The following RNF166 variants were observed in gnomAD, a reference collection of about 807,000 sequenced individuals.
RNF166 encodes the protein E3 ubiquitin-protein ligase RNF166.
Under a neutral mutation model 29.4 loss-of-function variants are expected in RNF166, and 19 were observed. That is an observed-to-expected ratio of 0.65 (90% CI 0.45 to 0.95). The LOEUF is 0.95. Ranked by LOEUF, RNF166 falls within the 40% of genes least tolerant of loss-of-function variation. The probability of loss-of-function intolerance (pLI) is 0.00; values close to 1 mark genes in which losing one functional copy is unlikely to be tolerated. For synonymous variants in RNF166, 171 were observed against 134.5 expected (o/e 1.27, Z -1.88); for missense variants, 347 against 322.1 (o/e 1.08, Z -0.59).
In RNF166 at chr16:88,697,299, G is replaced by A. The variant is rs901915511; in HGVS notation, c.*269C>T. 10 of 364,164 alleles carry A rather than the reference G, an allele frequency of 2.7e-5. No individual in the cohort carries two copies. Among genetic ancestry groups the A allele is most frequent in the African/African-American group, 6.4e-5 (3 of 46,626 alleles). The allele number at this position is 364,164 out of a possible 1,614,324, so 22.6% of individuals were successfully genotyped here. On this transcript the variant is annotated 3_prime_UTR_variant, in exon 6 of 6. Transcript: ENST00000312838. The stretch of plus-strand genomic sequence containing the variant: ...GACGGCGGCAGCTCCAGGTCCCAGC[G>A]TCCAGCCCTGCCCAAGTAGGCCGCC...
At chr16:88,702,609 C>A (rs981707903) in intron 1 of RNF166, among the ~76,000 whole-genome samples, 2 of 152,216 alleles carry the variant, frequency 1.3e-5, no homozygotes, top group African/African-American at 2.4e-5. Context: ...CTCCTGCTGT[C>A]CCCCAGGCCC....
chr16:88,700,074 G>GC (rs1012319727), intron 2 of RNF166: 7 of 182,132 alleles, frequency 3.8e-5, no homozygotes, highest in Admixed American at 1.8e-4. Context: ...ACTCAGAAAT[G>GC]CCCCAGGCTG....
intron 5 of RNF166, chr16:88,697,845 G>T: frequency 1.9e-6 from 1 of 536,814 alleles, no homozygotes. Flanking sequence ...CGCTGGGTAC[G>T]GGGGCACTCG....
intron 1 of RNF166, 93 bp from the exon 2 acceptor site, chr16:88,701,511 T>C: frequency 4.0e-6 from 5 of 1,261,570 alleles, no homozygotes; most frequent in East Asian, 2.6e-5. Context: ...CCAGCATTTG[T>C]GGGGTCCACA....
Position 88,696,752 on chromosome 16 carries a change from G to A in RNF166, c.*816C>T, listed in dbSNP as rs1909674967. 5.1e-6 allele frequency: 2 copies of A among 391,504 alleles called. No individual in the cohort carries two copies. The highest frequency in any genetic ancestry group is 3.8e-5 in the Admixed American group (1 of 26,052). The allele number at this position is 391,504 out of a possible 1,614,324, so 24.3% of individuals were successfully genotyped here. On this transcript the variant is annotated 3_prime_UTR_variant, in exon 6 of 6. Transcript: ENST00000312838. ...CTTCTCTGCCGGCCCCGCCTCTGCT[G>A]GGAGCAGCCACAGCCTGTGGCTGGG...
At chr16:88,703,390 A>C (rs1236033089) in intron 1 of RNF166, 16 of 985,364 alleles carry the variant, frequency 1.6e-5, no homozygotes, top group Non-Finnish European at 1.9e-5. Flanking sequence ...GGTCCCAGGC[A>C]GAGCTTGGGA....
rs753732709 is a variant in RNF166, at chr16:88,698,989, G to T, written c.522C>A (p.Arg174=). The part of the protein sequence containing the change: ...ELVKHCVESH[R]SDPNRVVCPI... ...TGCTCACCACGCGGTTGGGGTCGCT[G>T]CGGTGGCTTTCCACACAGTGCTTCA... Residue 174 remains arginine (R), a synonymous_variant, in exon 4 of 6, where the codon CGC becomes CGA. Transcript: ENST00000312838. 2.5e-6 allele frequency: 4 copies of T among 1,601,282 alleles called. No individual in the cohort carries two copies. Among genetic ancestry groups the T allele is most frequent in the Admixed American group, 3.4e-5 (2 of 58,342 alleles).
At chr16:88,700,750 C>T in intron 2 of RNF166, 2 of 995,470 alleles carry the variant, frequency 2.0e-6, no homozygotes, top group Non-Finnish European at 2.4e-6. Flanking sequence ...GACATGGGGG[C>T]CAATGAGGCC....
rs1319505453 is a variant in RNF166, at chr16:88,701,514, G to A, written c.156-96C>T. 5.8e-6 allele frequency: 7 copies of A among 1,197,484 alleles called. No individual in the cohort carries two copies. In the East Asian group the frequency reaches 1.1e-4, roughly 18 times the overall value. 74.2% of individuals were successfully genotyped at this position (1,197,484 alleles called of 1,614,324 possible). On this transcript the variant is annotated intron_variant, in intron 1 of 5. Transcript: ENST00000312838. ...CCTTCTTAGGACCCAGCATTTGTGG[G>A]GTCCACAGGGGCAGCTCCCCCTACC...
chr16:88,697,448 G>A lies in RNF166; in HGVS notation c.*120C>T, dbSNP rs569699367. ...CTCGGCCCCGGCTCCCCTTCTGCGC[G>A]GGTGCAGGCTCCTCCTGTGAGCTCA... On this transcript the variant is annotated 3_prime_UTR_variant, in exon 6 of 6. Transcript: ENST00000312838. 22 of 708,978 alleles carry A rather than the reference G, an allele frequency of 3.1e-5. No homozygotes were observed. Among genetic ancestry groups the A allele is most frequent in the East Asian group, 1.7e-4 (6 of 34,420 alleles). The allele number at this position is 708,978 out of a possible 1,614,324, so 43.9% of individuals were successfully genotyped here. A position where few individuals can be genotyped will look rare whatever the true frequency, so the allele number is the denominator to read the frequency against.
rs113523628 is a variant in RNF166, at chr16:88,698,616, C to A, written c.541-7G>T. The A allele has an allele frequency of 9.3e-6, 14 of 1,511,416 alleles. No individual in the cohort carries two copies. The East Asian group carries it at 2.7e-4, about 29-fold the overall frequency. 93.6% of individuals were successfully genotyped at this position (1,511,416 alleles called of 1,614,324 possible). A position where few individuals can be genotyped will look rare whatever the true frequency, so the allele number is the denominator to read the frequency against. On this transcript the variant is annotated splice_polypyrimidine_tract_variant and splice_region_variant and intron_variant, in intron 4 of 5. Coordinates refer to ENST00000312838, the MANE Select transcript of RNF166 (RefSeq NM_178841.4). ...CCGAGCAGATGGGGCACACCTGGAA[C>A]AGGCACTGGGGTCAAGCCGAGCCGG...
chr16:88,699,542 G>T, intron 3 of RNF166, 78 bp downstream of exon 3: 1 of 1,155,440 alleles, frequency 8.7e-7, no homozygotes, highest in Non-Finnish European at 1.2e-6. Context: ...GCCTCTCTGG[G>T]ATGGGGCACT....
chr16:88,704,059 G>T, intron 1 of RNF166: 2 of 985,462 alleles, frequency 2.0e-6, no homozygotes, highest in Non-Finnish European at 2.4e-6. Context: ...CCTGCGCGAG[G>T]GCTAGAGCAG....
intron 1 of RNF166, among the ~76,000 whole-genome samples, chr16:88,704,884 G>A (rs1910619236): frequency 6.6e-6 from 1 of 152,202 alleles, no homozygotes; most frequent in Non-Finnish European, 1.5e-5. Context: ...CAGCTACTCT[G>A]GAGGCTGAGG....
chr16:88,698,274 G>A (rs1024750604), intron 5 of RNF166: 2 of 696,874 alleles, frequency 2.9e-6, no homozygotes, highest in African/African-American at 1.7e-5. Context: ...TGCGGTCCAT[G>A]TCCCCGAGAG....
intron 1 of RNF166, among the ~76,000 whole-genome samples, chr16:88,705,492 G>A (rs1049884836): frequency 6.6e-6 from 1 of 152,230 alleles, no homozygotes. Context: ...CTCCCCGCCA[G>A]GAGAGCCACG....
At chr16:88,699,976 G>A in intron 2 of RNF166, 1 of 386,026 alleles carries the variant, frequency 2.6e-6, no homozygotes, top group Non-Finnish European at 4.8e-6. Flanking sequence ...GGCTGGAGAA[G>A]GGTAGCGGGA....
chr16:88,702,369 C>G (rs538903491), intron 1 of RNF166, among the ~76,000 whole-genome samples: 1 of 151,990 alleles, frequency 6.6e-6, no homozygotes, highest in Non-Finnish European at 1.5e-5. Context: ...CTACAGCACC[C>G]GGGGGTGTAG....
At chr16:88,700,895 C>A in intron 2 of RNF166, 1 of 1,133,938 alleles carries the variant, frequency 8.8e-7, no homozygotes, top group South Asian at 2.0e-5. Flanking sequence ...CCCTTGTGAC[C>A]TTGGAGCCCC....
Sources: allele counts gnomAD v4.1 joint callset (sites outside exome capture counted in the v4.1 genomes callset), GRCh38; gene constraint gnomAD v4.1.1; transcripts MANE v1.5; gene names NCBI Gene and HGNC (gene_info 2026-07-23, HGNC 2026-07-21).